SOX5: variants seen among roughly 807,000 people sequenced by gnomAD.
SOX5 encodes SRY-box transcription factor 5.
A neutral mutation model predicts 92.0 loss-of-function variants in SOX5; 9 were observed. The observed-to-expected ratio is 0.10, with a 90% CI of 0.06 to 0.17. SOX5 has a LOEUF of 0.17. Among genes scored for constraint, SOX5 ranks in the 10% least tolerant of loss-of-function variants. The pLI, the probability that SOX5 is intolerant of heterozygous loss-of-function variation, is 1.00. For missense variants in SOX5, 642 were observed against 944.5 expected (o/e 0.68, Z 4.20); for synonymous variants, 344 against 336.3 (o/e 1.02, Z -0.25).
intron 6 of SOX5, among the ~76,000 whole-genome samples, chr12:23,711,904 C>G (rs556108283): frequency 2.0e-4 from 30 of 152,210 alleles, no homozygotes; most frequent in African/African-American, 7.0e-4. Flanking sequence ...TACCAAGTAC[C>G]CTCTTTTAGC....
intron 1 of SOX5, among the ~76,000 whole-genome samples, chr12:23,933,236 C>G (rs1230667001): frequency 6.6e-6 from 1 of 151,640 alleles, no homozygotes; most frequent in African/African-American, 2.4e-5. Flanking sequence ...CCAGCTAACC[C>G]TGGACCTGAA....
At chr12:24,117,225 T>A (rs1948109445) in intron 4 of SOX5, among the ~76,000 whole-genome samples, 1 of 152,224 alleles carries the variant, frequency 6.6e-6, no homozygotes, top group African/African-American at 2.4e-5. Context: ...TCAACATTAC[T>A]AATCATCAGG....
At chr12:23,993,364 A>T (rs920491751) in intron 4 of SOX5, among the ~76,000 whole-genome samples, 1 of 152,182 alleles carries the variant, frequency 6.6e-6, no homozygotes, top group Non-Finnish European at 1.5e-5. Context: ...AAAACTAGAC[A>T]TTTTGGTATA....
intron 3 of SOX5, among the ~76,000 whole-genome samples, chr12:23,844,171 A>C (rs939844678): frequency 2.0e-4 from 31 of 152,146 alleles, no homozygotes; most frequent in Admixed American, 3.3e-4. Context: ...ATCATTGTTT[A>C]CCCTCTTGAT....
intron 6 of SOX5, among the ~76,000 whole-genome samples, chr12:23,687,166 CA>C (rs1369658663): frequency 1.3e-5 from 2 of 151,892 alleles, no homozygotes; most frequent in Non-Finnish European, 2.9e-5. Flanking sequence ...CACTTAACAT[CA>C]AAAAAATTGA....
intron 7 of SOX5, among the ~76,000 whole-genome samples, chr12:23,652,820 G>A (rs7974981): frequency 0.26 from 39,802 of 151,872 alleles, 5,305 homozygotes; most frequent in African/African-American, 0.3. Context: ...CTCTGCTAAC[G>A]AAATTCGTTC....
intron 1 of SOX5, among the ~76,000 whole-genome samples, chr12:24,502,223 C>A (rs1277026093): frequency 6.6e-6 from 1 of 152,166 alleles, no homozygotes; most frequent in African/African-American, 2.4e-5. Flanking sequence ...CAAGGAGATT[C>A]CATGAAGAAG....
At chr12:23,710,504 T>C (rs1250986120) in intron 6 of SOX5, among the ~76,000 whole-genome samples, 2 of 152,124 alleles carry the variant, frequency 1.3e-5, no homozygotes, top group Admixed American at 6.5e-5. Context: ...GGTTTTTTGT[T>C]CTTGTGATAG....
intron 3 of SOX5, among the ~76,000 whole-genome samples, chr12:23,832,974 A>T (rs1277641204): frequency 6.6e-6 from 1 of 152,042 alleles, no homozygotes; most frequent in Non-Finnish European, 1.5e-5. Flanking sequence ...CTTAGTAATC[A>T]GTGACAGACT....
At chr12:24,406,286 G>A (rs1034566426) in intron 1 of SOX5, among the ~76,000 whole-genome samples, 3 of 152,104 alleles carry the variant, frequency 2.0e-5, no homozygotes, top group Admixed American at 1.3e-4. Context: ...GGAGTAGGGC[G>A]CTGAAGGAGA....
At chr12:23,577,848 G>A (rs1438247043) in intron 9 of SOX5, among the ~76,000 whole-genome samples, 1 of 151,538 alleles carries the variant, frequency 6.6e-6, no homozygotes, top group Non-Finnish European at 1.5e-5. Flanking sequence ...ATGGCTGGGT[G>A]CAGTGGCTCA....
intron 1 of SOX5, among the ~76,000 whole-genome samples, chr12:24,522,029 A>T (rs1249059017): frequency 3.9e-5 from 6 of 151,948 alleles, no homozygotes; most frequent in African/African-American, 1.4e-4. Context: ...TAAAATTGTA[A>T]AACCTTAGAT....
intron 4 of SOX5, among the ~76,000 whole-genome samples, chr12:23,748,524 T>A (rs1047093779): frequency 6.6e-6 from 1 of 151,978 alleles, no homozygotes; most frequent in Non-Finnish European, 1.5e-5. Context: ...AAAATCAAAG[T>A]AAACCATTGG....
At chr12:23,617,984 A>T (rs2076767716) in intron 8 of SOX5, among the ~76,000 whole-genome samples, 1 of 151,998 alleles carries the variant, frequency 6.6e-6, no homozygotes, top group Non-Finnish European at 1.5e-5. Context: ...TCCCCATATG[A>T]TGTATGACCT....
intron 1 of SOX5, among the ~76,000 whole-genome samples, chr12:24,469,641 T>C (rs984666667): frequency 3.3e-5 from 5 of 152,212 alleles, no homozygotes; most frequent in Non-Finnish European, 7.3e-5. Context: ...TCCCCAGATA[T>C]GTGCAACTTA....
At chr12:23,584,273 A>G (rs771531604) in intron 9 of SOX5, among the ~76,000 whole-genome samples, 1 of 152,130 alleles carries the variant, frequency 6.6e-6, no homozygotes, top group Non-Finnish European at 1.5e-5. Context: ...ATATTAATGA[A>G]ACACTGATGA....
At chr12:23,772,369 A>G (rs1281929349) in intron 3 of SOX5, among the ~76,000 whole-genome samples, 1 of 152,194 alleles carries the variant, frequency 6.6e-6, no homozygotes, top group Non-Finnish European at 1.5e-5. Context: ...TATCCAATGG[A>G]TTATATGAAA....
intron 10 of SOX5, among the ~76,000 whole-genome samples, chr12:23,570,920 AAAAAAAAAAAATATATATATATATATAT>A (rs1233760612): frequency 6.2e-4 from 26 of 41,696 alleles, no homozygotes; most frequent in African/African-American, 1.9e-3. Flanking sequence ...CAAAAAAAAA[AAAAAAAAAAAATATATATATATATATAT>A]ATATATATAT....
chr12:23,950,189 C>A (rs1945375885), upstream of SOX5, among the ~76,000 whole-genome samples: 2 of 151,814 alleles, frequency 1.3e-5, no homozygotes. Flanking sequence ...TTAGTAATAG[C>A]ATTTTTACAC....
Sources: allele counts gnomAD v4.1 joint callset (sites outside exome capture counted in the v4.1 genomes callset), GRCh38; gene constraint gnomAD v4.1.1; transcripts MANE v1.5; gene names NCBI Gene and HGNC (gene_info 2026-07-23, HGNC 2026-07-21).